The following TRPM2 variants were observed in gnomAD, a reference collection of about 807,000 sequenced individuals.
TRPM2 encodes estrogen-responsive element-associated gene 1 protein.
TRPM2 carries 161 observed loss-of-function variants against 174.0 expected under a neutral mutation model. The observed-to-expected ratio is 0.93, with a 90% CI of 0.81 to 1.05. TRPM2 has a LOEUF of 1.05. Among genes scored for constraint, TRPM2 ranks in the 50% least tolerant of loss-of-function variants. The pLI is 0.00. For missense variants in TRPM2, 2,057 were observed against 2,038.0 expected (o/e 1.01, Z -0.18); for synonymous variants, 954 against 861.3 (o/e 1.11, Z -1.88).
intron 30 of TRPM2, among the ~76,000 whole-genome samples, chr21:44,440,575 G>C (rs1257334461): frequency 6.6e-6 from 1 of 152,230 alleles, no homozygotes; most frequent in Non-Finnish European, 1.5e-5. Flanking sequence ...GATCTCTGCA[G>C]GGCAAGGACG....
At position 44,379,027 on chromosome 21, in the gene TRPM2, C is replaced by A; in HGVS notation, c.1045C>A (p.Pro349Thr). 6.2e-7 allele frequency: 1 copy of A among 1,609,214 alleles called. No individual in the cohort carries two copies. The highest frequency in any genetic ancestry group is 1.7e-4 in the Middle Eastern group (1 of 6,060). The change falls in exon 8 of 32, where the codon CCC becomes ACC. Residue 349 changes from proline (P) to threonine (T), a missense_variant. By Grantham distance (38) the Pro-to-Thr change is conservative. Transcript: ENST00000397928. ...TIDNATTNGT[P>T]CVVVEGSGRV... ...CGACAACGCCACCACCAACGGCACC[C>A]CCTGTGTGGTTGTGGAGGGCTCGGG...
intron 8 of TRPM2, among the ~76,000 whole-genome samples, chr21:44,380,590 G>T (rs1284556687): frequency 6.6e-6 from 1 of 152,210 alleles, no homozygotes. Flanking sequence ...CTCGGCATTC[G>T]CTGATGCTCC....
intron 8 of TRPM2, among the ~76,000 whole-genome samples, 199 bp downstream of exon 8, chr21:44,379,396 A>G (rs983841435): frequency 2.0e-5 from 3 of 152,184 alleles, no homozygotes; most frequent in African/African-American, 7.2e-5. Flanking sequence ...CCAAGACAGC[A>G]TGTGAAAGGA....
chr21:44,382,615 AC>A, intron 8 of TRPM2, 102 bp from the exon 9 acceptor site: 1 of 1,107,052 alleles, frequency 9.0e-7, no homozygotes, highest in East Asian at 2.6e-5. Context: ...CGCAGGCAGG[AC>A]CCAAGGCTCT....
rs2050807613 is a variant in TRPM2 at position 44,426,884 on chromosome 21, ACTGTTGTGTACACCCAGC to A, written c.3873-122_3873-105del. The stretch of plus-strand genomic sequence containing the variant: ...GGGGGCCTGAAGGGGCCCAGCTCCT[ACTGTTGTGTACACCCAGC>A]CTGCAGCTACTCGGCTGGGCCCTTG... On this transcript the variant is annotated intron_variant, in intron 26 of 31. Transcript: ENST00000397928. 6.1e-6 allele frequency: 8 copies of A among 1,313,778 alleles called. No individual in the cohort carries two copies. In the South Asian group the frequency reaches 1.0e-4, roughly 17 times the overall value. The allele number at this position is 1,313,778 out of a possible 1,614,324, so 81.4% of individuals were successfully genotyped here. A position where few individuals can be genotyped will look rare whatever the true frequency, so the allele number is the denominator to read the frequency against.
At position 44,353,754 on chromosome 21, in the gene TRPM2, G is replaced by T. The variant is rs763692626; in HGVS notation, c.54G>T (p.Glu18Asp). The T allele has an allele frequency of 1.4e-5, 22 of 1,594,590 alleles. No individual in the cohort carries two copies. Among genetic ancestry groups the T allele is most frequent in the East Asian group, 2.3e-5 (1 of 42,998 alleles). Residue 18 changes from glutamate (E) to aspartate (D), a missense_variant, in exon 1 of 32, where the codon GAG becomes GAT. Physicochemically the swap from Glu to Asp is conservative, Grantham distance 45 (BLOSUM62 2). Transcript: ENST00000397928. ...KAGSEQEEGF[E>D]GLPRRVTDLG... is the part of the protein sequence containing the mutation. Reference sequence around the variant, plus strand: ...GCTCGGAGCAGGAGGAGGGCTTTGAGGGGCTGCCCAGAAGGGTCACTGACC... The same window carrying T: ...GCTCGGAGCAGGAGGAGGGCTTTGATGGGCTGCCCAGAAGGGTCACTGACC...
At chr21:44,353,178 C>G (rs1461253264), upstream of TRPM2, 1 of 152,326 alleles carries the variant, frequency 6.6e-6, no homozygotes, top group Non-Finnish European at 1.5e-5. Flanking sequence ...GAAAAAGAAA[C>G]TTCCTTTGTG....
intron 22 of TRPM2, chr21:44,422,218 T>A (rs1601225186): frequency 1.3e-6 from 2 of 1,521,402 alleles, no homozygotes; most frequent in African/African-American, 2.8e-5. Flanking sequence ...TGGGGTGCCA[T>A]AACCTTGCAG....
chr21:44,395,936 CTGTGGAGGGG>C (rs1291102428), intron 12 of TRPM2, among the ~76,000 whole-genome samples: 4 of 25,986 alleles, frequency 1.5e-4, no homozygotes, highest in African/African-American at 4.3e-4. Context: ...GGTGTGGAAG[CTGTGGAGGGG>C]TGTGGAGGGG....
chr21:44,390,622 T>C (rs2049143889), intron 9 of TRPM2, among the ~76,000 whole-genome samples: 2 of 152,148 alleles, frequency 1.3e-5, no homozygotes, highest in Admixed American at 1.3e-4. Context: ...ACTGCCCACC[T>C]GTCGCTTAGG....
chr21:44,401,758 A>G lies in TRPM2; in HGVS notation c.2399A>G (p.His800Arg). Residue 800 changes from histidine (H) to arginine (R), a missense_variant, in exon 16 of 32, where the codon CAC becomes CGC. Transcript: ENST00000397928. Reference sequence around the variant, plus strand: ...TTCACCGCACCCGTGGTGGTCTTCCACCTGAACATCCTCTCCTACTTCGCC... The same window carrying G: ...TTCACCGCACCCGTGGTGGTCTTCCGCCTGAACATCCTCTCCTACTTCGCC... ...AFFTAPVVVF[H>R]LNILSYFAFL... is the part of the protein sequence containing the mutation. 1 of 1,613,510 alleles carries G rather than the reference A, an allele frequency of 6.2e-7. No homozygotes were observed. Among genetic ancestry groups the G allele is most frequent in the East Asian group, 2.2e-5 (1 of 44,858 alleles).
Position 44,391,110 on chromosome 21 carries a change from T to A in TRPM2, c.1440+85T>A. 6.3e-7 allele frequency: 1 copy of A among 1,596,096 alleles called. No individual in the cohort carries two copies. Among genetic ancestry groups the A allele is most frequent in the Non-Finnish European group, 8.6e-7 (1 of 1,168,440 alleles). On this transcript the variant is annotated intron_variant, in intron 10 of 31. Transcript: ENST00000397928. This position sits in a 1 kb window ranked among gnomAD's most constrained non-coding sequence, Gnocchi z 5.0. ...GAAGCAAGGGCAGGCAAAGTTCGCATTGTCTGGATCCCAGCCCTTCCCTTG... is the reference window on the plus strand; with the variant it reads ...GAAGCAAGGGCAGGCAAAGTTCGCAATGTCTGGATCCCAGCCCTTCCCTTG...
intron 27 of TRPM2, among the ~76,000 whole-genome samples, 200 bp from the exon 28 acceptor site, chr21:44,434,931 C>A (rs538071709): frequency 4.4e-4 from 67 of 152,240 alleles, no homozygotes; most frequent in Middle Eastern, 3.4e-3. Flanking sequence ...CCCGAGTTAA[C>A]CCAGAGCCTT....
intron 16 of TRPM2, among the ~76,000 whole-genome samples, chr21:44,403,796 C>T (rs1465727482): frequency 6.6e-6 from 1 of 150,412 alleles, no homozygotes; most frequent in Admixed American, 6.6e-5. Flanking sequence ...TACAAATATA[C>T]ACAGATAAAC....
chr21:44,399,457 C>G lies in TRPM2; in HGVS notation c.2208+16C>G. ...GGGCATCCAGGTGACCTCCCAAGAG[C>G]CCCTTCCAGAAACAGACGCCTGTGG... On this transcript the variant is annotated intron_variant, in intron 14 of 31. Transcript: ENST00000397928. The surrounding 1 kb of genome is among the most constrained non-coding windows in gnomAD (Gnocchi z 4.6). The G allele has an allele frequency of 6.2e-7, 1 of 1,605,146 alleles. No individual in the cohort carries two copies. The highest frequency in any genetic ancestry group is 8.5e-7 in the Non-Finnish European group (1 of 1,175,692).
Position 44,359,300 on chromosome 21 carries a change from G to A in TRPM2, c.254+4564G>A, listed in dbSNP as rs542976871. On this transcript the variant is annotated intron_variant, in intron 2 of 31. Transcript: ENST00000397928. ...TAAGACAGAAAAGTTCTCCAAGTCC[G>A]CACCCAACCCAGAAGTCTAGCTGGC... is the stretch of plus-strand genomic sequence containing the variant. Among the ~76,000 whole-genome samples, 18 of 152,016 alleles carry A rather than the reference G, an allele frequency of 1.2e-4. No homozygotes were observed. The South Asian group carries it at 3.7e-3, about 32-fold the overall frequency.
In TRPM2 at chr21:44,442,102, G is replaced by T; in HGVS notation, c.*285G>T. The T allele has an allele frequency of 3.0e-6, 1 of 334,344 alleles. No individual in the cohort carries two copies. Among genetic ancestry groups the T allele is most frequent in the South Asian group, 1.2e-4 (1 of 8,094 alleles). 20.7% of individuals were successfully genotyped at this position (334,344 alleles called of 1,614,324 possible). The stretch of plus-strand genomic sequence containing the variant: ...CCATCAGGCGAGGGGCTGGGCCTGT[G>T]CAGCTGGGCCCTTGGCCAGAGTCCA... On this transcript the variant is annotated 3_prime_UTR_variant, in exon 32 of 32. Transcript: ENST00000397928.
chr21:44,363,785 T>G (rs1441049783), intron 2 of TRPM2, among the ~76,000 whole-genome samples: 1 of 152,202 alleles, frequency 6.6e-6, no homozygotes, highest in Non-Finnish European at 1.5e-5. Context: ...ACTCAAGATC[T>G]TGAGTTTTAG....
rs1203392022 is a variant in TRPM2 at position 44,376,823 on chromosome 21, T to C, written c.952+810T>C. On this transcript the variant is annotated intron_variant, in intron 6 of 31. Coordinates refer to ENST00000397928, the MANE Select transcript of TRPM2 (RefSeq NM_003307.4). The surrounding 1 kb of genome is among the most constrained non-coding windows in gnomAD (Gnocchi z 4.2). ...TCCCCTGGAGGGTTCCTCACCAGCT[T>C]GTGGGCCCCAGCCCCAGGGTCCAAC... 6.6e-6 allele frequency among the ~76,000 whole-genome samples: 1 copy of C among 152,168 alleles called. No homozygotes were observed. The highest frequency in any genetic ancestry group is 6.5e-5 in the Admixed American group (1 of 15,286).
Sources: gnomAD v4.1 joint callset for allele counts (sites outside exome capture counted in the v4.1 genomes callset) on GRCh38, gnomAD v4.1.1 for gene constraint, Gnocchi (gnomAD v3.1) non-coding constraint, MANE v1.5 for transcripts, NCBI Gene and HGNC (gene_info 2026-07-23, HGNC 2026-07-21) for gene names.